CDK14: variants seen among roughly 807,000 people sequenced by gnomAD.
CDK14 encodes the protein cyclin dependent kinase 14.
A neutral mutation model predicts 60.7 loss-of-function variants in CDK14; 34 were observed. The observed-to-expected ratio is 0.56, with a 90% CI of 0.43 to 0.75. The LOEUF (loss-of-function observed/expected upper bound fraction) is 0.75. Among genes scored for constraint, CDK14 ranks in the 30% least tolerant of loss-of-function variants. The pLI is 0.00. For missense variants in CDK14, 482 were observed against 564.1 expected (o/e 0.85, Z 1.47); for synonymous variants, 197 against 203.7 (o/e 0.97, Z 0.28).
intron 10 of CDK14, among the ~76,000 whole-genome samples, chr7:90,990,027 A>G (rs1031906670): frequency 6.6e-6 from 1 of 152,198 alleles, no homozygotes; most frequent in African/African-American, 2.4e-5. Context: ...AATGTTCAAG[A>G]CTGCACTTTG....
intron 3 of CDK14, among the ~76,000 whole-genome samples, chr7:90,745,573 G>A (rs943109728): frequency 6.6e-5 from 10 of 152,018 alleles, no homozygotes; most frequent in Non-Finnish European, 1.3e-4. Context: ...GTGCCACCAC[G>A]CCCAGCTAAT....
intron 10 of CDK14, among the ~76,000 whole-genome samples, chr7:90,995,911 T>C (rs1015495316): frequency 6.6e-6 from 1 of 152,228 alleles, no homozygotes; most frequent in Non-Finnish European, 1.5e-5. Flanking sequence ...TGAGTTCTCT[T>C]AAGAACTCTA....
intron 14 of CDK14, among the ~76,000 whole-genome samples, chr7:91,144,309 A>C (rs1251306937): frequency 1.3e-5 from 2 of 152,256 alleles, no homozygotes; most frequent in African/African-American, 4.8e-5. Context: ...CACAGTTATT[A>C]ATAAAATGAT....
intron 4 of CDK14, among the ~76,000 whole-genome samples, chr7:90,761,851 T>A (rs1476683771): frequency 1.3e-5 from 2 of 150,156 alleles, no homozygotes; most frequent in Non-Finnish European, 3.0e-5. Flanking sequence ...TTGTAGTAAC[T>A]CTCTACTGTG....
At chr7:90,735,503 G>A (rs759167013) in intron 3 of CDK14, among the ~76,000 whole-genome samples, 16 of 152,212 alleles carry the variant, frequency 1.1e-4, no homozygotes, top group Non-Finnish European at 1.9e-4. Flanking sequence ...TTTCAGAAAT[G>A]CCCTGCCCAG....
At chr7:90,706,561 A>G (rs1375496842) in intron 2 of CDK14, among the ~76,000 whole-genome samples, 1 of 152,184 alleles carries the variant, frequency 6.6e-6, no homozygotes, top group African/African-American at 2.4e-5. Context: ...TTAATGAACA[A>G]AAACAGTGTA....
At chr7:91,167,869 G>A (rs1801393110) in intron 14 of CDK14, among the ~76,000 whole-genome samples, 1 of 152,352 alleles carries the variant, frequency 6.6e-6, no homozygotes, top group South Asian at 2.1e-4. Flanking sequence ...GTAGAAGGTA[G>A]TTGGCTGTTC....
chr7:91,081,437 T>C (rs1798481534), intron 12 of CDK14, among the ~76,000 whole-genome samples: 1 of 152,220 alleles, frequency 6.6e-6, no homozygotes, highest in Non-Finnish European at 1.5e-5. Context: ...AGGTTTAAAA[T>C]AAATTGAACT....
intron 8 of CDK14, among the ~76,000 whole-genome samples, chr7:90,926,103 C>T (rs1011531476): frequency 2.6e-5 from 4 of 151,992 alleles, no homozygotes; most frequent in African/African-American, 9.7e-5. Flanking sequence ...TCTTTAGAGC[C>T]CCAGTGTAAT....
intron 5 of CDK14, among the ~76,000 whole-genome samples, chr7:90,842,943 A>G (rs1790346348): frequency 1.3e-5 from 2 of 152,116 alleles, no homozygotes; most frequent in Admixed American, 6.6e-5. Context: ...ACCTATTGCT[A>G]ATGTTGCTTT....
intron 4 of CDK14, among the ~76,000 whole-genome samples, chr7:90,779,336 T>G (rs952421312): frequency 1.3e-5 from 2 of 152,168 alleles, no homozygotes; most frequent in Admixed American, 1.3e-4. Context: ...TGCTATAACC[T>G]TGAACTCTTG....
At chr7:90,698,094 A>G (rs942028628) in intron 2 of CDK14, among the ~76,000 whole-genome samples, 15 of 150,294 alleles carry the variant, frequency 1.0e-4, no homozygotes, top group African/African-American at 1.5e-4. Flanking sequence ...AAAAAAGAAA[A>G]AGAAAAAAAG....
chr7:90,963,283 A>C (rs1227249397), intron 9 of CDK14, among the ~76,000 whole-genome samples: 1 of 151,930 alleles, frequency 6.6e-6, no homozygotes, highest in Admixed American at 6.6e-5. Context: ...TTCAGTTACC[A>C]TGGTAGAGTG....
At chr7:90,693,574 A>C (rs1052733049) in intron 2 of CDK14, among the ~76,000 whole-genome samples, 3 of 152,058 alleles carry the variant, frequency 2.0e-5, no homozygotes, top group Non-Finnish European at 4.4e-5. Context: ...AGAGCGGGAG[A>C]GCAGAAATTG....
At chr7:90,852,668 A>C (rs1482840980) in intron 5 of CDK14, among the ~76,000 whole-genome samples, 1 of 152,172 alleles carries the variant, frequency 6.6e-6, no homozygotes, top group Non-Finnish European at 1.5e-5. Context: ...TTAGCAGCCG[A>C]GCATTACCGG....
At chr7:91,127,376 G>A (rs569201244) in intron 14 of CDK14, among the ~76,000 whole-genome samples, 5 of 152,246 alleles carry the variant, frequency 3.3e-5, no homozygotes, top group South Asian at 4.1e-4. Flanking sequence ...GCGGCAATTC[G>A]ACAGAAGCGG....
At chr7:90,898,213 GT>G (rs1296633096) in intron 6 of CDK14, among the ~76,000 whole-genome samples, 4 of 151,936 alleles carry the variant, frequency 2.6e-5, no homozygotes, top group African/African-American at 9.7e-5. Context: ...GGCATGTCTG[GT>G]TTTTTTCCAT....
At chr7:90,641,384 T>C (rs749377706) in intron 2 of CDK14, among the ~76,000 whole-genome samples, 2 of 152,160 alleles carry the variant, frequency 1.3e-5, no homozygotes, top group Non-Finnish European at 2.9e-5. Flanking sequence ...CCAATGTCCA[T>C]CATCTGATGA....
Position 90,927,231 on chromosome 7 carries a change from T to G in CDK14, c.826+9507T>G, listed in dbSNP as rs555717323. Among the ~76,000 whole-genome samples the G allele has an allele frequency of 1.2e-4, 19 of 152,300 alleles. No individual in the cohort carries two copies. The South Asian group carries it at 3.7e-3, about 30-fold the overall frequency. ...GGAGTTGCAGATTACAACCCTGTAA[T>G]CATGCCTTGGTTCTTCTGGCAACCA... On this transcript the variant is annotated intron_variant, in intron 8 of 14. Coordinates refer to ENST00000380050, the MANE Select transcript of CDK14 (RefSeq NM_001287135.2).
Sources: allele counts gnomAD v4.1 joint callset (sites outside exome capture counted in the v4.1 genomes callset), GRCh38; gene constraint gnomAD v4.1.1; transcripts MANE v1.5; gene names NCBI Gene and HGNC (gene_info 2026-07-23, HGNC 2026-07-21).